Variants in CAPN6 observed in about 807,000 individuals in gnomAD.
The protein encoded by CAPN6 is calpain-6.
CAPN6 carries 16 observed loss-of-function variants against 46.0 expected under a neutral mutation model. That is an observed-to-expected ratio of 0.35 (90% CI 0.24 to 0.53). The LOEUF (loss-of-function observed/expected upper bound fraction) is 0.53. Ranked by LOEUF, CAPN6 falls within the 20% of genes least tolerant of loss-of-function variation. The probability of loss-of-function intolerance (pLI) is 0.94; values close to 1 mark genes in which losing one functional copy is unlikely to be tolerated. For synonymous variants in CAPN6, 206 were observed against 172.8 expected (o/e 1.19, Z -1.51); for missense variants, 461 against 498.0 (o/e 0.93, Z 0.71).
chrX:111,255,157 G>A lies in CAPN6; in HGVS notation c.166-754C>T, dbSNP rs544681345. On this transcript the variant is annotated intron_variant, in intron 2 of 12. Transcript: ENST00000324068. The stretch of plus-strand genomic sequence containing the variant: ...ATTAACTGTGCCTTTCCCACTGGGA[G>A]TAGGAAAATGATACCTAAATGATAC... Among the ~76,000 whole-genome samples, 38 of 112,044 alleles carry A rather than the reference G, an allele frequency of 3.4e-4. 1 individual carries two copies. In the South Asian group the frequency reaches 0.014, roughly 42 times the overall value.
chrX:111,247,592 G>A, intron 11 of CAPN6, 88 bp from the exon 12 acceptor site: 1 of 977,807 alleles, frequency 1.0e-6, no homozygotes, highest in East Asian at 3.1e-5. Flanking sequence ...GCCAATTCTG[G>A]GACTTTCAGC....
At position 111,245,508 on chromosome X, in the gene CAPN6, T is replaced by C. The variant is rs1412527020; in HGVS notation, c.*1069A>G. On this transcript the variant is annotated 3_prime_UTR_variant, in exon 13 of 13. Coordinates refer to ENST00000324068, the MANE Select transcript of CAPN6 (RefSeq NM_014289.4). The stretch of plus-strand genomic sequence containing the variant: ...TGAAGCATCCCAACTGAGAGAAAAG[T>C]CTGAGGAGTCTGGGCTGGGACCAAA... The C allele has an allele frequency of 1.8e-5, 2 of 111,711 alleles. No individual in the cohort carries two copies. The highest frequency in any genetic ancestry group is 3.8e-5 in the Non-Finnish European group (2 of 53,046). The allele number at this position is 111,711 out of a possible 1,213,427, so 9.2% of individuals were successfully genotyped here. A position where few individuals can be genotyped will look rare whatever the true frequency, so the allele number is the denominator to read the frequency against.
intron 2 of CAPN6, among the ~76,000 whole-genome samples, chrX:111,262,767 C>T (rs2094988856): frequency 8.9e-6 from 1 of 111,933 alleles, no homozygotes; most frequent in Non-Finnish European, 1.9e-5. Context: ...TCATGTAGGA[C>T]TAGTGAAAGG....
At chrX:111,253,283 T>C in intron 3 of CAPN6, 67 bp from the exon 4 acceptor site, 1 of 893,670 alleles carries the variant, frequency 1.1e-6, no homozygotes. Context: ...GAGATTACAG[T>C]TTACTCCTGG....
At position 111,251,123 on chromosome X, in the gene CAPN6, G is replaced by A. The variant is rs774779642; in HGVS notation, c.972-20C>T. ...CTCATCCTGAATGGAAGGAGCACAG[G>A]AAAAAAATAAAGATGGTATTTAATA... On this transcript the variant is annotated intron_variant, in intron 7 of 12. Coordinates refer to ENST00000324068, the MANE Select transcript of CAPN6 (RefSeq NM_014289.4). 2.5e-6 allele frequency: 3 copies of A among 1,204,853 alleles called. No individual in the cohort carries two copies. The highest frequency in any genetic ancestry group is 3.4e-6 in the Non-Finnish European group (3 of 893,191).
Position 111,254,394 on chromosome X carries a change from C to T in CAPN6, c.175G>A (p.Asp59Asn). 2 of 1,201,872 alleles carry T rather than the reference C, an allele frequency of 1.7e-6. No homozygotes were observed. The highest frequency in any genetic ancestry group is 1.1e-6 in the Non-Finnish European group (1 of 887,370). Reference sequence around the variant, plus strand: ...TTGCCCACAATCAGATGGGGGTCATCACAGATGTCCTATGAATACAATAAT... The same window carrying T: ...TTGCCCACAATCAGATGGGGGTCATTACAGATGTCCTATGAATACAATAAT... ...VVWKRPQDIC[D>N]DPHLIVGNIS... is the part of the protein sequence containing the mutation. The change falls in exon 3 of 13, where the codon GAT becomes AAT. Residue 59 changes from aspartate (D) to asparagine (N), a missense_variant. Asp to Asn is a conservative substitution (Grantham distance 23). Coordinates refer to ENST00000324068, the MANE Select transcript of CAPN6 (RefSeq NM_014289.4).
At chrX:111,247,253 C>A (rs1207364098) in intron 12 of CAPN6, 115 bp downstream of exon 12, 1 of 713,156 alleles carries the variant, frequency 1.4e-6, no homozygotes, top group Non-Finnish European at 2.0e-6. Flanking sequence ...ATAAAACAAA[C>A]CAAAAAATAC....
intron 1 of CAPN6, among the ~76,000 whole-genome samples, chrX:111,264,588 A>G (rs1490014644): frequency 8.9e-6 from 1 of 111,975 alleles, no homozygotes; most frequent in Admixed American, 9.5e-5. Flanking sequence ...CTTTCTTCTT[A>G]AAAGTCTAAT....
chrX:111,251,019 C>G lies in CAPN6; in HGVS notation c.1056G>C (p.Glu352Asp), dbSNP rs780447292. 6.6e-6 allele frequency: 8 copies of G among 1,211,629 alleles called. No individual in the cohort carries two copies. The highest frequency in any genetic ancestry group is 8.9e-6 in the Non-Finnish European group (8 of 895,469). The change falls in exon 8 of 13, where the codon GAG becomes GAC. Residue 352 changes from glutamate (E) to aspartate (D), a missense_variant. Physicochemically the swap from Glu to Asp is conservative, Grantham distance 45. Transcript: ENST00000324068. Reference sequence around the variant, plus strand: ...TCCAGCATCCCAACACCGATTCCAGCTCCTTTCGGCCAAAAATAGGGTTGT... The same window carrying G: ...TCCAGCATCCCAACACCGATTCCAGGTCCTTTCGGCCAAAAATAGGGTTGT... ...NVNNPIFGRKELESVLGCWTV... is the reference protein window; with the variant it reads ...NVNNPIFGRKDLESVLGCWTV...
intron 8 of CAPN6, among the ~76,000 whole-genome samples, chrX:111,250,652 C>A (rs904119761): frequency 9.0e-6 from 1 of 111,128 alleles, no homozygotes; most frequent in East Asian, 2.8e-4. Flanking sequence ...AGAGCCATAC[C>A]AGACAATATG....
chrX:111,250,389 G>T (rs1193826082), intron 8 of CAPN6, among the ~76,000 whole-genome samples: 1 of 111,414 alleles, frequency 9.0e-6, no homozygotes, highest in Non-Finnish European at 1.9e-5. Flanking sequence ...AATGGGAGAT[G>T]GATGGGACAG....
At chrX:111,266,981 G>A (rs1190371130) in intron 1 of CAPN6, among the ~76,000 whole-genome samples, 1 of 111,967 alleles carries the variant, frequency 8.9e-6, no homozygotes, top group Non-Finnish European at 1.9e-5. Context: ...TTAAACATCA[G>A]AATACTTTTG....
intron 2 of CAPN6, among the ~76,000 whole-genome samples, chrX:111,260,669 C>G (rs2094987250): frequency 9.0e-6 from 1 of 111,644 alleles, no homozygotes; most frequent in African/African-American, 3.3e-5. Flanking sequence ...GGCTTGGCCT[C>G]CACTCTGGCT....
At chrX:111,258,469 G>A (rs769366707) in intron 2 of CAPN6, among the ~76,000 whole-genome samples, 9 of 111,610 alleles carry the variant, frequency 8.1e-5, no homozygotes, top group African/African-American at 2.6e-4. Context: ...GGAACTGAGG[G>A]TTTTGTGAGC....
intron 6 of CAPN6, 59 bp from the exon 7 acceptor site, chrX:111,251,345 T>C: frequency 9.2e-7 from 1 of 1,083,788 alleles, no homozygotes; most frequent in East Asian, 3.0e-5. Flanking sequence ...ATTGACTTCT[T>C]GTAGTAAGTA....
chrX:111,253,227 A>G lies in CAPN6; in HGVS notation c.298-11T>C, dbSNP rs368099898. On this transcript the variant is annotated splice_polypyrimidine_tract_variant and intron_variant, in intron 3 of 12. Transcript: ENST00000324068. ...ATGGTTGGGAATTGTCTAGAAATGC[A>G]AGAACATTTAATCAAGTGTTATTCA... 3.7e-5 allele frequency: 43 copies of G among 1,156,387 alleles called. No individual in the cohort carries two copies. The African/African-American group carries it at 4.3e-4, about 11-fold the overall frequency.
At position 111,252,988 on chromosome X, in the gene CAPN6, C is replaced by T; in HGVS notation, c.506+20G>A. The stretch of plus-strand genomic sequence containing the variant: ...TTTCCTCATGTACCCTGATAGCAGA[C>T]TAGTCAATCACCTCCTTACTTTGCA... On this transcript the variant is annotated intron_variant, in intron 4 of 12. Coordinates refer to ENST00000324068, the MANE Select transcript of CAPN6 (RefSeq NM_014289.4). 8.6e-7 allele frequency: 1 copy of T among 1,162,846 alleles called. No individual in the cohort carries two copies. Among genetic ancestry groups the T allele is most frequent in the Non-Finnish European group, 1.2e-6 (1 of 852,452 alleles).
chrX:111,258,726 A>T (rs999727550), intron 2 of CAPN6, among the ~76,000 whole-genome samples: 1 of 112,022 alleles, frequency 8.9e-6, no homozygotes, highest in African/African-American at 3.2e-5. Context: ...CTCCACTTCC[A>T]AACTGGGCCA....
At chrX:111,247,724 A>G in intron 11 of CAPN6, 147 bp downstream of exon 11, 1 of 701,344 alleles carries the variant, frequency 1.4e-6, no homozygotes, top group Non-Finnish European at 2.1e-6. Context: ...TGAAGTTGAC[A>G]TCCCATCCTC....
Sources: allele counts gnomAD v4.1 joint callset (sites outside exome capture counted in the v4.1 genomes callset), GRCh38; gene constraint gnomAD v4.1.1; transcripts MANE v1.5; gene names NCBI Gene and HGNC (gene_info 2026-07-23, HGNC 2026-07-21).